Variants in NCAPD2 observed in about 807,000 individuals in gnomAD.
The protein encoded by NCAPD2 is non-SMC condensin I complex subunit D2.
A neutral mutation model predicts 164.5 loss-of-function variants in NCAPD2; 100 were observed. The ratio of observed to expected loss-of-function variants is 0.61; its 90% CI spans 0.52 to 0.72. The LOEUF (loss-of-function observed/expected upper bound fraction) is 0.72. NCAPD2 is among the 30% of genes least tolerant of loss of function. The pLI, the probability that NCAPD2 is intolerant of heterozygous loss-of-function variation, is 0.00. For synonymous variants in NCAPD2, 585 were observed against 642.6 expected (o/e 0.91, Z 1.36); for missense variants, 1,560 against 1,749.2 (o/e 0.89, Z 1.93).
chr12:6,512,341 C>CTAGT (rs1279366818), intron 6 of NCAPD2, among the ~76,000 whole-genome samples: 3 of 151,094 alleles, frequency 2.0e-5, no homozygotes, highest in South Asian at 4.2e-4. Context: ...ACAAGCTACT[C>CTAGT]TAGTAAGACT....
chr12:6,520,190 A>AT (rs1266826858), intron 13 of NCAPD2, among the ~76,000 whole-genome samples: 1 of 149,558 alleles, frequency 6.7e-6, no homozygotes, highest in African/African-American at 2.5e-5. Context: ...CTAAAAAAAA[A>AT]AATATATATA....
rs767624329 is a variant in NCAPD2, at chr12:6,528,116, T to G, written c.3143+25T>G. ...GGTAGGCCGTGGGGTTGGTACCCCC[T>G]TCTCAAGGAAGATGGGGATGAAATG... On this transcript the variant is annotated intron_variant, in intron 24 of 31. Coordinates refer to ENST00000315579, the MANE Select transcript of NCAPD2 (RefSeq NM_014865.4). The surrounding 1 kb of genome is among the most constrained non-coding windows in gnomAD (Gnocchi z 5.1). 2 of 1,614,234 alleles carry G rather than the reference T, an allele frequency of 1.2e-6. No homozygotes were observed. Among genetic ancestry groups the G allele is most frequent in the Non-Finnish European group, 1.7e-6 (2 of 1,180,034 alleles).
In NCAPD2 at chr12:6,526,269, T is replaced by C. The variant is rs1946317048; in HGVS notation, c.2482-18T>C. The C allele has an allele frequency of 1.2e-6, 2 of 1,614,122 alleles. No homozygotes were observed. Among genetic ancestry groups the C allele is most frequent in the East Asian group, 2.2e-5 (1 of 44,884 alleles). On this transcript the variant is annotated intron_variant, in intron 19 of 31. Transcript: ENST00000315579. ...TGTCCACCCTGTACACACACCCACG[T>C]TGTCTTGCTCTCCACAGCCTTCTCT...
intron 8 of NCAPD2, 47 bp downstream of exon 8, chr12:6,514,634 G>A (rs1416281458): frequency 6.2e-7 from 1 of 1,612,666 alleles, no homozygotes; most frequent in African/African-American, 1.3e-5. Flanking sequence ...TCCTTGGGGA[G>A]GGAATAAAGA....
chr12:6,503,008 C>CTTTTTTTTTTTT (rs58563520), intron 2 of NCAPD2, among the ~76,000 whole-genome samples: 51 of 86,300 alleles, frequency 5.9e-4, no homozygotes, highest in Non-Finnish European at 8.0e-4. Flanking sequence ...CCACACCTGG[C>CTTTTTTTTTTTT]TTTTTTTTTT....
chr12:6,503,313 T>C (rs1247991494), intron 2 of NCAPD2, among the ~76,000 whole-genome samples: 1 of 76 alleles, frequency 0.013, no homozygotes, highest in Admixed American at 0.25. Context: ...TGGATATTTA[T>C]AATGAAAGAA....
rs574660875 is a variant in NCAPD2 at position 6,526,764 on chromosome 12, C to G, written c.2735-127C>G. On this transcript the variant is annotated intron_variant, in intron 21 of 31. Transcript: ENST00000315579. ...GTTGAAGTTGGGCCAGTTCCCACCC[C>G]CAACTCTTACTACTTCACTAGTTTG... The G allele has an allele frequency of 4.2e-6, 6 of 1,417,890 alleles. No individual in the cohort carries two copies. In the South Asian group the frequency reaches 8.1e-5, roughly 19 times the overall value. 87.8% of individuals were successfully genotyped at this position (1,417,890 alleles called of 1,614,324 possible). A position where few individuals can be genotyped will look rare whatever the true frequency, so the allele number is the denominator to read the frequency against.
chr12:6,497,299 C>CTT (rs11382575), intron 2 of NCAPD2, among the ~76,000 whole-genome samples: 25,051 of 148,824 alleles, frequency 0.17, 2,642 homozygotes, highest in Non-Finnish European at 0.24. Flanking sequence ...AAATGGTCAC[C>CTT]TTTTTTTTTT....
chr12:6,527,368 C>T (rs1395547213), intron 22 of NCAPD2, among the ~76,000 whole-genome samples: 1 of 152,256 alleles, frequency 6.6e-6, no homozygotes, highest in African/African-American at 2.4e-5. Flanking sequence ...TTTCCATCAG[C>T]TTCCATTGCT....
intron 22 of NCAPD2, 136 bp from the exon 23 acceptor site, chr12:6,527,641 C>G (rs1417112512): frequency 4.8e-5 from 38 of 789,886 alleles, no homozygotes; most frequent in Non-Finnish European, 2.1e-5. Context: ...TTTCTCTTTA[C>G]AGACACATTT....
intron 2 of NCAPD2, among the ~76,000 whole-genome samples, chr12:6,504,182 C>CATATATATATATAT (rs1176237960): frequency 2.1e-4 from 12 of 57,696 alleles, no homozygotes; most frequent in Non-Finnish European, 3.1e-4. Flanking sequence ...TATATATATA[C>CATATATATATATAT]ATATATATAT....
At chr12:6,505,290 T>C (rs11064238) in intron 2 of NCAPD2, among the ~76,000 whole-genome samples, 2,377 of 152,234 alleles carry the variant, frequency 0.016, 63 homozygotes, top group African/African-American at 0.055. Context: ...GGTCTCGAGC[T>C]CCTCACCTCA....
intron 2 of NCAPD2, among the ~76,000 whole-genome samples, chr12:6,502,212 C>CAA (rs778323846): frequency 7.0e-6 from 1 of 143,268 alleles, no homozygotes; most frequent in African/African-American, 2.6e-5. Context: ...TCCACAGTAG[C>CAA]AAAAAAAAAA....
chr12:6,509,679 C>A, intron 2 of NCAPD2, 38 bp from the exon 3 acceptor site: 1 of 1,582,896 alleles, frequency 6.3e-7, no homozygotes, highest in South Asian at 1.1e-5. Flanking sequence ...AAAGGTTTCT[C>A]TTCCCTCCAA....
intron 27 of NCAPD2, 155 bp downstream of exon 27, chr12:6,529,194 G>A: frequency 1.5e-6 from 1 of 668,820 alleles, no homozygotes; most frequent in Admixed American, 2.8e-5. Flanking sequence ...CTTCTTTTGA[G>A]GCTGATGATA....
At position 6,505,361 on chromosome 12, in the gene NCAPD2, C is replaced by T. The variant is rs139190949; in HGVS notation, c.128-4356C>T. 3.4e-3 allele frequency among the ~76,000 whole-genome samples: 517 copies of T among 152,284 alleles called. 2 individuals carry two copies. Among genetic ancestry groups the T allele is most frequent in the Admixed American group, 6.5e-3 (100 of 15,288 alleles). On this transcript the variant is annotated intron_variant, in intron 2 of 31. Transcript: ENST00000315579. Reference sequence around the variant, plus strand: ...ATTTACAGGTGTGAGCCAGCGTGCCCGGTCTGCCATATGCAGTTTACTGGA... The same window carrying T: ...ATTTACAGGTGTGAGCCAGCGTGCCTGGTCTGCCATATGCAGTTTACTGGA...
chr12:6,522,702 TC>T, intron 15 of NCAPD2, 125 bp from the exon 16 acceptor site: 1 of 1,009,434 alleles, frequency 9.9e-7, no homozygotes, highest in Non-Finnish European at 1.5e-6. Flanking sequence ...ATAGGAGGAG[TC>T]GACATTCTCA....
intron 2 of NCAPD2, among the ~76,000 whole-genome samples, chr12:6,504,216 T>TATATATATATATACAC (rs1406807438): frequency 1.2e-3 from 27 of 23,182 alleles, no homozygotes; most frequent in Non-Finnish European, 1.8e-3. Context: ...TATATATATA[T>TATATATATATATACAC]AGATATAGAT....
rs375241786 is a variant in NCAPD2, at chr12:6,516,225, C to T, written c.988-603C>T. Among the ~76,000 whole-genome samples the T allele has an allele frequency of 6.0e-3, 899 of 150,818 alleles. 11 individuals carry two copies. The highest frequency in any genetic ancestry group is 5.7e-3 in the Non-Finnish European group (389 of 67,716). ...AAAAAACCAAAAAAAACCACACAGA[C>T]GGGCGCGGTGGCTCACGCCTATAAT... is the stretch of plus-strand genomic sequence containing the variant. On this transcript the variant is annotated intron_variant, in intron 9 of 31. Transcript: ENST00000315579.
Sources: allele counts gnomAD v4.1 joint callset (sites outside exome capture counted in the v4.1 genomes callset), GRCh38; gene constraint gnomAD v4.1.1; non-coding constraint Gnocchi (gnomAD v3.1); transcripts MANE v1.5; gene names NCBI Gene and HGNC (gene_info 2026-07-23, HGNC 2026-07-21).